SPATA17: variants seen among roughly 807,000 people sequenced by gnomAD.
SPATA17 encodes the protein spermatogenesis associated 17.
SPATA17 carries 53 observed loss-of-function variants against 62.2 expected under a neutral mutation model. The ratio of observed to expected loss-of-function variants is 0.85; its 90% CI spans 0.68 to 1.07. The LOEUF is 1.07. Ranked by LOEUF, SPATA17 falls within the 50% of genes least tolerant of loss-of-function variation. The probability of loss-of-function intolerance (pLI) is 0.00; values close to 1 mark genes in which losing one functional copy is unlikely to be tolerated. For synonymous variants in SPATA17, 146 were observed against 146.8 expected, an observed-to-expected ratio of 0.99 and a Z score of 0.04; for missense variants, 466 against 425.5, an observed-to-expected ratio of 1.10 and a Z score of -0.84.
At chr1:217,657,724 C>G (rs577555575) in intron 3 of SPATA17, among the ~76,000 whole-genome samples, 2 of 152,166 alleles carry the variant, frequency 1.3e-5, no homozygotes, top group African/African-American at 2.4e-5. Context: ...CCTCCTCTAA[C>G]TAAAATTTTA....
chr1:217,805,383 G>A (rs1674408082), intron 9 of SPATA17, among the ~76,000 whole-genome samples: 1 of 152,144 alleles, frequency 6.6e-6, no homozygotes, highest in African/African-American at 2.4e-5. Flanking sequence ...GAGGCAGGAG[G>A]TAGGGGTGAG....
chr1:217,856,531 A>G (rs1478797564), intron 9 of SPATA17, among the ~76,000 whole-genome samples: 2 of 152,318 alleles, frequency 1.3e-5, no homozygotes, highest in East Asian at 3.9e-4. Context: ...CCATCACACA[A>G]TATGCAAAGG....
At chr1:217,843,452 A>G (rs1675455370) in intron 9 of SPATA17, among the ~76,000 whole-genome samples, 1 of 152,038 alleles carries the variant, frequency 6.6e-6, no homozygotes, top group African/African-American at 2.4e-5. Flanking sequence ...CCCCATCTCT[A>G]CAAAAAAAAA....
intron 8 of SPATA17, among the ~76,000 whole-genome samples, chr1:217,787,702 A>T (rs772219870): frequency 6.6e-6 from 1 of 151,990 alleles, no homozygotes; most frequent in Non-Finnish European, 1.5e-5. Flanking sequence ...TCTGTCCAGG[A>T]ATTTTTGGTT....
chr1:217,852,242 G>C (rs1675683426), intron 9 of SPATA17, among the ~76,000 whole-genome samples: 1 of 152,136 alleles, frequency 6.6e-6, no homozygotes, highest in Non-Finnish European at 1.5e-5. Context: ...TTATTTCTAT[G>C]TGAATTTTTT....
chr1:217,850,187 T>TACAA (rs1675615227), intron 9 of SPATA17, among the ~76,000 whole-genome samples: 1 of 152,164 alleles, frequency 6.6e-6, no homozygotes, highest in Non-Finnish European at 1.5e-5. Flanking sequence ...TACAGTCGTG[T>TACAA]ACAACTTTTA....
At chr1:217,726,688 A>G (rs1672265449) in intron 5 of SPATA17, among the ~76,000 whole-genome samples, 1 of 146,244 alleles carries the variant, frequency 6.8e-6, no homozygotes, top group Non-Finnish European at 1.5e-5. Flanking sequence ...TTTCATGCGT[A>G]TTTCCCTTGT....
intron 10 of SPATA17, chr1:217,866,452 AGTTT>A (rs541300055): frequency 3.3e-5 from 5 of 152,012 alleles, no homozygotes; most frequent in African/African-American, 1.2e-4. Context: ...TATGGTTTTT[AGTTT>A]GTTTGTTTTT....
At chr1:217,689,808 CT>C (rs1671304236) in intron 5 of SPATA17, among the ~76,000 whole-genome samples, 1 of 152,066 alleles carries the variant, frequency 6.6e-6, no homozygotes, top group Non-Finnish European at 1.5e-5. Context: ...TTATCATCTG[CT>C]TTTTTCATTG....
At chr1:217,860,080 CA>C (rs1488486195) in intron 9 of SPATA17, among the ~76,000 whole-genome samples, 4 of 152,084 alleles carry the variant, frequency 2.6e-5, no homozygotes, top group Non-Finnish European at 4.4e-5. Flanking sequence ...CTGCATCTCA[CA>C]AATCTGATGG....
At chr1:217,659,419 A>G (rs1670517328) in intron 3 of SPATA17, among the ~76,000 whole-genome samples, 1 of 152,138 alleles carries the variant, frequency 6.6e-6, no homozygotes, top group Non-Finnish European at 1.5e-5. Flanking sequence ...GTTGGTAAGG[A>G]GTTCAGTGTG....
chr1:217,656,796 T>G (rs1670454123), intron 3 of SPATA17, among the ~76,000 whole-genome samples: 1 of 152,206 alleles, frequency 6.6e-6, no homozygotes, highest in Non-Finnish European at 1.5e-5. Context: ...ATTATCACTA[T>G]TTTATAGATG....
rs189460955 is a variant in SPATA17 at position 217,794,577 on chromosome 1, G to T, written c.873-7141G>T. Reference sequence around the variant, plus strand: ...TTCTAAAAATTAGATAAATTGAAAAGTAATTAAAAATGGCAATTAAATTAT... The same window carrying T: ...TTCTAAAAATTAGATAAATTGAAAATTAATTAAAAATGGCAATTAAATTAT... On this transcript the variant is annotated intron_variant, in intron 8 of 10. Transcript: ENST00000366933. Among the ~76,000 whole-genome samples the T allele has an allele frequency of 2.4e-3, 371 of 152,270 alleles. 2 individuals are homozygous for T. The highest frequency in any genetic ancestry group is 0.017 in the Middle Eastern group (5 of 294).
intron 8 of SPATA17, among the ~76,000 whole-genome samples, chr1:217,792,722 G>A (rs977260982): frequency 2.6e-5 from 4 of 152,022 alleles, no homozygotes; most frequent in Admixed American, 6.6e-5. Flanking sequence ...GTCTATTAAC[G>A]TACTAATAGA....
At chr1:217,631,513 G>C in intron 1 of SPATA17, 67 bp downstream of exon 1, 1 of 1,543,908 alleles carries the variant, frequency 6.5e-7, no homozygotes, top group South Asian at 1.1e-5. Context: ...TCCTCAGCGG[G>C]AGTTTCCAAT....
chr1:217,715,694 C>T (rs1425122191), intron 5 of SPATA17, among the ~76,000 whole-genome samples: 2 of 151,504 alleles, frequency 1.3e-5, no homozygotes, highest in African/African-American at 4.8e-5. Flanking sequence ...CTGTTCTATG[C>T]CTATTGCTGT....
chr1:217,851,659 G>A (rs1463317059), intron 9 of SPATA17, among the ~76,000 whole-genome samples: 1 of 152,168 alleles, frequency 6.6e-6, no homozygotes, highest in Non-Finnish European at 1.5e-5. Context: ...ACTCCCTGCT[G>A]TGAGACTAAT....
intron 1 of SPATA17, among the ~76,000 whole-genome samples, chr1:217,647,847 C>T (rs780724669): frequency 1.6e-4 from 24 of 152,026 alleles, no homozygotes; most frequent in Non-Finnish European, 3.2e-4. Flanking sequence ...TCTCGGCCCC[C>T]GAGTAGCTGG....
At chr1:217,754,484 T>C (rs1470001506) in intron 6 of SPATA17, among the ~76,000 whole-genome samples, 3 of 152,198 alleles carry the variant, frequency 2.0e-5, no homozygotes, top group African/African-American at 7.2e-5. Flanking sequence ...TTTATTTCTC[T>C]TACTATTATG....
Sources: allele counts gnomAD v4.1 joint callset (sites outside exome capture counted in the v4.1 genomes callset), GRCh38; gene constraint gnomAD v4.1.1; transcripts MANE v1.5; gene names NCBI Gene and HGNC (gene_info 2026-07-23, HGNC 2026-07-21).